The following MALRD1 variants were observed in gnomAD, a reference collection of about 807,000 sequenced individuals.
MALRD1 encodes the protein MAM and LDL-receptor class A domain-containing protein 1.
MALRD1 carries 247 observed loss-of-function variants against 242.1 expected under a neutral mutation model. That is an observed-to-expected ratio of 1.02 (90% confidence interval 0.92 to 1.13). The LOEUF (loss-of-function observed/expected upper bound fraction) is 1.13. Among genes scored for constraint, MALRD1 ranks in the 50% most tolerant of loss-of-function variants. MALRD1 has a pLI of 0.00. For synonymous variants in MALRD1, 995 were observed against 866.6 expected, an observed-to-expected ratio of 1.15 and a Z score of -2.60; for missense variants, 2,989 against 2,533.1, an observed-to-expected ratio of 1.18 and a Z score of -3.86.
At chr10:19,565,946 A>C (rs1836229405) in intron 32 of MALRD1, among the ~76,000 whole-genome samples, 1 of 152,132 alleles carries the variant, frequency 6.6e-6, no homozygotes, top group Non-Finnish European at 1.5e-5. Flanking sequence ...AATTTCCATT[A>C]ACATCTCGAT....
rs188716388 is a variant in MALRD1, at chr10:19,115,921, T to C, written c.695-7571T>C. ...AAATACATATAAGCTATTTTATTTA[T>C]AAAACTGCTTAGTATTAGGTATTTT... On this transcript the variant is annotated intron_variant, in intron 5 of 39. Transcript: ENST00000454679. Among the ~76,000 whole-genome samples, 263 of 152,290 alleles carry C rather than the reference T, an allele frequency of 1.7e-3. 3 individuals carry two copies. Among genetic ancestry groups the C allele is most frequent in the African/African-American group, 6.0e-3 (249 of 41,556 alleles).
At chr10:19,412,684 A>G (rs1447321080) in intron 28 of MALRD1, among the ~76,000 whole-genome samples, 1 of 152,214 alleles carries the variant, frequency 6.6e-6, no homozygotes, top group African/African-American at 2.4e-5. Context: ...ACTCATGGTG[A>G]AAAATGACAA....
chr10:19,412,021 G>T (rs1353357290), intron 28 of MALRD1, among the ~76,000 whole-genome samples: 2 of 152,192 alleles, frequency 1.3e-5, no homozygotes, highest in African/African-American at 4.8e-5. Context: ...GTTTATGGCT[G>T]GGTGCAGTGA....
At chr10:19,362,497 T>G (rs571834585) in intron 26 of MALRD1, among the ~76,000 whole-genome samples, 102 of 152,194 alleles carry the variant, frequency 6.7e-4, no homozygotes, top group Middle Eastern at 3.4e-3. Context: ...GGAAATTAGC[T>G]AAGCAGACAT....
chr10:19,180,513 T>C (rs1460050543), intron 14 of MALRD1, among the ~76,000 whole-genome samples: 2 of 152,156 alleles, frequency 1.3e-5, no homozygotes, highest in African/African-American at 4.8e-5. Context: ...ATCTGGACGT[T>C]CTCATGCGAA....
chr10:19,642,485 G>C (rs1168343796), intron 36 of MALRD1, among the ~76,000 whole-genome samples: 1 of 152,058 alleles, frequency 6.6e-6, no homozygotes, highest in African/African-American at 2.4e-5. Context: ...CTCAGTAAAA[G>C]TGGAAGATAA....
chr10:19,441,648 GTGGTATTAT>G (rs1834658359), intron 28 of MALRD1, among the ~76,000 whole-genome samples: 1 of 152,162 alleles, frequency 6.6e-6, no homozygotes, highest in Non-Finnish European at 1.5e-5. Flanking sequence ...TTGTAGATGT[GTGGTATTAT>G]TTCTAAGGTT....
At chr10:19,373,268 G>A (rs1219983520) in intron 26 of MALRD1, among the ~76,000 whole-genome samples, 1 of 52,366 alleles carries the variant, frequency 1.9e-5, no homozygotes, top group African/African-American at 1.4e-4. Flanking sequence ...AGCACTTTGG[G>A]AGGGCGGACG....
intron 30 of MALRD1, among the ~76,000 whole-genome samples, chr10:19,493,671 GTT>G (rs1837590555): frequency 2.7e-5 from 4 of 148,276 alleles, no homozygotes; most frequent in African/African-American, 9.8e-5. Context: ...AAAATTAGCC[GTT>G]CCTGGTGGTG....
At chr10:19,202,879 C>A (rs895826444) in intron 14 of MALRD1, among the ~76,000 whole-genome samples, 1 of 152,146 alleles carries the variant, frequency 6.6e-6, no homozygotes, top group South Asian at 2.1e-4. Context: ...ATTTGGATTA[C>A]GTTCCCACCC....
intron 28 of MALRD1, among the ~76,000 whole-genome samples, chr10:19,445,301 T>A (rs1346311537): frequency 1.3e-5 from 2 of 152,224 alleles, no homozygotes; most frequent in South Asian, 2.1e-4. Flanking sequence ...GTCTGAAGCT[T>A]ACTTCTGTCA....
intron 38 of MALRD1, among the ~76,000 whole-genome samples, chr10:19,697,038 T>C (rs1294409763): frequency 1.3e-5 from 2 of 152,176 alleles, no homozygotes; most frequent in Non-Finnish European, 2.9e-5. Context: ...AAGTTTGTAA[T>C]CTAGGGAAAG....
chr10:19,696,305 A>G (rs554421042), intron 38 of MALRD1, among the ~76,000 whole-genome samples: 1 of 152,218 alleles, frequency 6.6e-6, no homozygotes, highest in Non-Finnish European at 1.5e-5. Context: ...TTATGAACTC[A>G]GCAAGATAAG....
At chr10:19,242,837 T>G (rs960320863) in intron 18 of MALRD1, among the ~76,000 whole-genome samples, 1 of 152,098 alleles carries the variant, frequency 6.6e-6, no homozygotes, top group Non-Finnish European at 1.5e-5. Flanking sequence ...GTAAGTATCA[T>G]GTAGGCAGCA....
chr10:19,372,074 C>T (rs1368434861), intron 26 of MALRD1, among the ~76,000 whole-genome samples: 1 of 151,996 alleles, frequency 6.6e-6, no homozygotes, highest in Non-Finnish European at 1.5e-5. Flanking sequence ...AGTTCTGTAA[C>T]TCAGTTATAC....
At chr10:19,484,030 C>T (rs1363103002) in intron 29 of MALRD1, among the ~76,000 whole-genome samples, 1 of 152,124 alleles carries the variant, frequency 6.6e-6, no homozygotes, top group East Asian at 1.9e-4. Flanking sequence ...GAACAGAAAA[C>T]CAAATACCAC....
intron 29 of MALRD1, among the ~76,000 whole-genome samples, chr10:19,490,194 T>C (rs1418638802): frequency 1.3e-5 from 2 of 152,172 alleles, no homozygotes; most frequent in Non-Finnish European, 2.9e-5. Flanking sequence ...CAATACAATG[T>C]CAGTTATGAA....
intron 32 of MALRD1, among the ~76,000 whole-genome samples, chr10:19,539,897 T>TGCGCGCGC (rs1323112743): frequency 6.8e-5 from 3 of 44,418 alleles, no homozygotes; most frequent in African/African-American, 2.0e-4. Flanking sequence ...TGTGTGTGTG[T>TGCGCGCGC]GCGCGCGCGC....
At chr10:19,272,411 A>G (rs768412878) in intron 19 of MALRD1, among the ~76,000 whole-genome samples, 4 of 152,224 alleles carry the variant, frequency 2.6e-5, no homozygotes, top group Admixed American at 6.5e-5. Context: ...CTATAATCCA[A>G]TTGGAAAAAG....
Sources: allele counts gnomAD v4.1 joint callset (sites outside exome capture counted in the v4.1 genomes callset), GRCh38; gene constraint gnomAD v4.1.1; transcripts MANE v1.5; gene names NCBI Gene and HGNC (gene_info 2026-07-23, HGNC 2026-07-21).